The following PPFIA2 variants were observed in gnomAD, a reference collection of about 807,000 sequenced individuals.
PPFIA2 encodes the protein PPFI scaffold protein A2.
PPFIA2 carries 46 observed loss-of-function variants against 175.5 expected under a neutral mutation model. The ratio of observed to expected loss-of-function variants is 0.26; its 90% CI spans 0.21 to 0.34. The LOEUF is 0.34. Among genes scored for constraint, PPFIA2 ranks in the 10% least tolerant of loss-of-function variants. The pLI is 1.00. For synonymous variants in PPFIA2, 568 were observed against 511.4 expected (o/e 1.11, Z -1.49); for missense variants, 1,179 against 1,506.1 (o/e 0.78, Z 3.60).
chr12:81,699,591 T>C (rs1485411833), intron 3 of PPFIA2, among the ~76,000 whole-genome samples: 4 of 152,028 alleles, frequency 2.6e-5, no homozygotes, highest in Non-Finnish European at 4.4e-5. Flanking sequence ...ATTTGAATTA[T>C]ATTTAGGTTA....
At chr12:81,739,219 A>AT (rs2082033936) in intron 3 of PPFIA2, among the ~76,000 whole-genome samples, 1 of 152,040 alleles carries the variant, frequency 6.6e-6, no homozygotes, top group Non-Finnish European at 1.5e-5. Context: ...TTAAAAAAAC[A>AT]AATTAAATAT....
chr12:81,294,775 A>G, intron 24 of PPFIA2, 60 bp downstream of exon 24: 2 of 1,523,850 alleles, frequency 1.3e-6, no homozygotes, highest in East Asian at 2.3e-5. Context: ...TGCTCTGTAG[A>G]CTTAGACACA....
intron 3 of PPFIA2, among the ~76,000 whole-genome samples, chr12:81,704,289 T>TTG: frequency 6.6e-6 from 1 of 152,284 alleles, no homozygotes; most frequent in East Asian, 1.9e-4. Context: ...AAAAATATTA[T>TTG]AGCTCAATTA....
At chr12:81,722,098 T>C (rs1168592855) in intron 3 of PPFIA2, among the ~76,000 whole-genome samples, 2 of 151,060 alleles carry the variant, frequency 1.3e-5, no homozygotes, top group Non-Finnish European at 3.0e-5. Context: ...CCTCAGGGCA[T>C]TTAGATCTAA....
At chr12:81,520,955 G>T (rs906141411) in intron 4 of PPFIA2, among the ~76,000 whole-genome samples, 7 of 152,102 alleles carry the variant, frequency 4.6e-5, no homozygotes, top group Admixed American at 6.5e-5. Flanking sequence ...ATTTTTTTAG[G>T]GGGGGTGAGG....
chr12:81,455,875 C>T (rs776778384), intron 5 of PPFIA2, among the ~76,000 whole-genome samples: 2 of 152,094 alleles, frequency 1.3e-5, no homozygotes, highest in Non-Finnish European at 2.9e-5. Flanking sequence ...GTTATCTGAC[C>T]TTTTCTGAGC....
At chr12:81,692,133 C>CACAA (rs1323419935) in intron 3 of PPFIA2, among the ~76,000 whole-genome samples, 1 of 151,528 alleles carries the variant, frequency 6.6e-6, no homozygotes, top group South Asian at 2.1e-4. Flanking sequence ...CACACACACA[C>CACAA]AAAACCTGTC....
Position 81,457,775 on chromosome 12 carries a change from T to G in PPFIA2, c.395A>C (p.Asn132Thr). The G allele has an allele frequency of 6.2e-7, 1 of 1,603,712 alleles. No individual in the cohort carries two copies. Among genetic ancestry groups the G allele is most frequent in the Non-Finnish European group, 8.5e-7 (1 of 1,174,148 alleles). ...CTGCTTTACACTTACTCTTGTGTTG[T>G]TTCTTTCAGCTTTAAGTTCAGAGAT... ...EEISELKAER[N>T]NTRLLLEHLE... Residue 132 changes from asparagine to threonine, a missense_variant, in exon 5 of 33, where the codon AAC becomes ACC. Physicochemically the swap from Asn to Thr is moderately conservative, Grantham distance 65. This residue lies in a region of PPFIA2 where 49 missense variants were observed against 108.9 expected (regional missense o/e 0.45). Transcript: ENST00000549396.
At chr12:81,378,375 T>C (rs1395636537) in intron 9 of PPFIA2, among the ~76,000 whole-genome samples, 2 of 152,112 alleles carry the variant, frequency 1.3e-5, no homozygotes, top group African/African-American at 4.8e-5. Flanking sequence ...GCTACTTGAT[T>C]AATTATGTTG....
intron 4 of PPFIA2, among the ~76,000 whole-genome samples, chr12:81,485,206 C>A (rs184541132): frequency 6.6e-6 from 1 of 151,674 alleles, no homozygotes; most frequent in Non-Finnish European, 1.5e-5. Flanking sequence ...AAATGTGAAC[C>A]CAATGCATTA....
intron 10 of PPFIA2, among the ~76,000 whole-genome samples, chr12:81,375,023 T>C (rs935286806): frequency 6.6e-5 from 10 of 152,164 alleles, no homozygotes; most frequent in Non-Finnish European, 1.5e-4. Flanking sequence ...CTCATGAGTA[T>C]ACATTTTAAC....
At chr12:81,571,833 C>T (rs1023316993) in intron 4 of PPFIA2, among the ~76,000 whole-genome samples, 2 of 151,990 alleles carry the variant, frequency 1.3e-5, no homozygotes, top group African/African-American at 4.8e-5. Flanking sequence ...TGACAAGCAA[C>T]AATTTTTGTC....
rs557116702 is a variant in PPFIA2, at chr12:81,549,615, A to G, written c.304-91749T>C. 5.9e-5 allele frequency among the ~76,000 whole-genome samples: 9 copies of G among 152,142 alleles called. No homozygotes were observed. The South Asian group carries it at 1.9e-3, about 32-fold the overall frequency. The stretch of plus-strand genomic sequence containing the variant: ...ATGTTCTTATCTCACTAAATCCTTG[A>G]ATATGTCCCATTCCATTAGACACTC... On this transcript the variant is annotated intron_variant, in intron 4 of 32. Coordinates refer to ENST00000549396, the MANE Select transcript of PPFIA2 (RefSeq NM_003625.5).
At chr12:81,702,635 C>T (rs2076632819) in intron 3 of PPFIA2, among the ~76,000 whole-genome samples, 1 of 152,050 alleles carries the variant, frequency 6.6e-6, no homozygotes, top group Non-Finnish European at 1.5e-5. Context: ...GCTCTTTGGG[C>T]TTTATTCTTA....
intron 4 of PPFIA2, among the ~76,000 whole-genome samples, chr12:81,567,918 G>A (rs1335729603): frequency 6.6e-6 from 1 of 152,162 alleles, no homozygotes; most frequent in Non-Finnish European, 1.5e-5. Context: ...AGGTGGCCTG[G>A]CAACCTCAGA....
At chr12:81,415,845 C>A (rs1394131953) in intron 7 of PPFIA2, among the ~76,000 whole-genome samples, 1 of 151,388 alleles carries the variant, frequency 6.6e-6, no homozygotes, top group Admixed American at 6.6e-5. Context: ...TTGTTATTAA[C>A]ATGTAATTCT....
chr12:81,518,638 T>C (rs777021559), intron 4 of PPFIA2, among the ~76,000 whole-genome samples: 3 of 152,168 alleles, frequency 2.0e-5, no homozygotes, highest in Non-Finnish European at 2.9e-5. Flanking sequence ...TTCACCTTTC[T>C]AAGCATTTCT....
chr12:81,325,026 T>C (rs972626070), intron 22 of PPFIA2, among the ~76,000 whole-genome samples: 2 of 151,746 alleles, frequency 1.3e-5, no homozygotes, highest in Admixed American at 6.6e-5. Flanking sequence ...TATTCTTTCA[T>C]AGGAAAGAAG....
At chr12:81,496,950 C>T (rs926793770) in intron 4 of PPFIA2, among the ~76,000 whole-genome samples, 1 of 152,162 alleles carries the variant, frequency 6.6e-6, no homozygotes, top group South Asian at 2.1e-4. Flanking sequence ...AAAGCAGACA[C>T]GAGAGGCTCT....
Sources: gnomAD v4.1 joint callset for allele counts (sites outside exome capture counted in the v4.1 genomes callset) on GRCh38, gnomAD v4.1.1 for gene constraint, gnomAD v4.1.1 regional missense constraint, MANE v1.5 for transcripts, NCBI Gene and HGNC (gene_info 2026-07-23, HGNC 2026-07-21) for gene names.